Variants in TENM2 observed in about 807,000 individuals in gnomAD.
The protein encoded by TENM2 is teneurin-2.
In TENM2, 52 loss-of-function variants were observed where a neutral mutation model predicts 245.2. The ratio of observed to expected loss-of-function variants is 0.21; its 90% CI spans 0.17 to 0.27. TENM2 has a LOEUF of 0.27. Among genes scored for constraint, TENM2 ranks in the 10% least tolerant of loss-of-function variants. The pLI is 1.00. For missense variants in TENM2, 3,046 were observed against 3,666.8 expected (o/e 0.83, Z 4.37); for synonymous variants, 1,363 against 1,438.9 (o/e 0.95, Z 1.19).
At chr5:167,306,409 C>T (rs747120420) in intron 1 of TENM2, 1 of 151,798 alleles carries the variant, frequency 6.6e-6, no homozygotes, top group Non-Finnish European at 1.5e-5. Flanking sequence ...CCTTAGGGGA[C>T]GATGATTTGT....
intron 2 of TENM2, among the ~76,000 whole-genome samples, chr5:167,454,051 A>G (rs1343452694): frequency 1.3e-5 from 2 of 152,124 alleles, no homozygotes; most frequent in African/African-American, 4.8e-5. Context: ...GAATCATTCC[A>G]ATTGAATTTT....
intron 2 of TENM2, among the ~76,000 whole-genome samples, chr5:167,704,644 A>T (rs1328994423): frequency 6.6e-6 from 1 of 152,188 alleles, no homozygotes; most frequent in Non-Finnish European, 1.5e-5. Flanking sequence ...ATCAAGGAAA[A>T]AGAAGGCTTT....
chr5:167,053,367 G>C, the TENM2 span, among the ~76,000 whole-genome samples: 1 of 152,110 alleles, frequency 6.6e-6, no homozygotes, highest in African/African-American at 2.4e-5. Context: ...AAGCACTTGC[G>C]TGATATTGGC....
intron 4 of TENM2, among the ~76,000 whole-genome samples, chr5:167,974,018 AG>A (rs1200872443): frequency 1.1e-4 from 8 of 70,918 alleles, no homozygotes; most frequent in African/African-American, 6.7e-4. Flanking sequence ...GGAGGGAGGG[AG>A]GGAGGAAGGA....
rs559696889 is a variant in TENM2 at position 168,201,389 on chromosome 5, G to C, written c.3430+1258G>C. On this transcript the variant is annotated intron_variant, in intron 17 of 28. Coordinates refer to ENST00000518659, the Ensembl canonical transcript of TENM2. The stretch of plus-strand genomic sequence containing the variant: ...ATCTGTAGCTAATACCAAAATGACA[G>C]CCAATATTAAAAAGTAGACTAAATA... Among the ~76,000 whole-genome samples the C allele has an allele frequency of 4.0e-5, 6 of 151,488 alleles. No homozygotes were observed. In the East Asian group the frequency reaches 1.2e-3, roughly 29 times the overall value.
At chr5:167,562,957 CAAAAA>C (rs58779751) in intron 2 of TENM2, among the ~76,000 whole-genome samples, 7 of 77,590 alleles carry the variant, frequency 9.0e-5, no homozygotes, top group African/African-American at 3.0e-4. Flanking sequence ...AATTCTGTCT[CAAAAA>C]AAAAAAAAAA....
At chr5:167,091,301 T>C in the TENM2 span, among the ~76,000 whole-genome samples, 2 of 152,212 alleles carry the variant, frequency 1.3e-5, no homozygotes, top group African/African-American at 4.8e-5. Context: ...TACATATGTA[T>C]GGATAACTGT....
chr5:167,061,091 AAC>A, the TENM2 span, among the ~76,000 whole-genome samples: 15,772 of 149,626 alleles, frequency 0.11, 1,075 homozygotes, highest in South Asian at 0.28. Flanking sequence ...CTCTCTCCAA[AAC>A]ACACACACAC....
At chr5:167,290,423 T>C (rs1210074364) in intron 1 of TENM2, among the ~76,000 whole-genome samples, 1 of 152,212 alleles carries the variant, frequency 6.6e-6, no homozygotes, top group African/African-American at 2.4e-5. Context: ...TAAGTGCTAG[T>C]AGTTATCGTT....
chr5:167,591,083 T>C lies in TENM2; in HGVS notation c.502+215610T>C, dbSNP rs181184112. Among the ~76,000 whole-genome samples, 59 of 152,346 alleles carry C rather than the reference T, an allele frequency of 3.9e-4. No individual in the cohort carries two copies. In the South Asian group the frequency reaches 5.2e-3, roughly 13 times the overall value. On this transcript the variant is annotated intron_variant, in intron 2 of 28. Transcript: ENST00000518659. Reference sequence around the variant, plus strand: ...TTGCACTAAGCAAGCAAGAGAGTTCTCATTGCTCTAGCTTCCCCACGATAA... The same window carrying C: ...TTGCACTAAGCAAGCAAGAGAGTTCCCATTGCTCTAGCTTCCCCACGATAA...
chr5:168,258,744 T>G (rs1192996112), intron 27 of TENM2, among the ~76,000 whole-genome samples: 2 of 152,164 alleles, frequency 1.3e-5, no homozygotes, highest in Non-Finnish European at 2.9e-5. Context: ...TGACTACTAA[T>G]GGGTATGAGG....
chr5:168,204,415 G>A (rs1367460119), exon 19 of TENM2: 1 of 1,613,800 alleles, frequency 6.2e-7, no homozygotes, highest in Non-Finnish European at 8.5e-7. Context: ...TCCTGACCCA[G>A]CAGCCTGCCA....
intron 12 of TENM2, among the ~76,000 whole-genome samples, chr5:168,151,896 A>G (rs978688260): frequency 5.9e-5 from 9 of 152,234 alleles, no homozygotes; most frequent in Admixed American, 3.3e-4. Context: ...CCTGTTTTCA[A>G]TGATGACCAA....
At chr5:167,008,677 C>A in the TENM2 span, among the ~76,000 whole-genome samples, 59 of 152,126 alleles carry the variant, frequency 3.9e-4, 1 homozygote, top group Non-Finnish European at 4.9e-4. Context: ...TTCCATTTGT[C>A]ATTTGTTTGG....
At chr5:167,259,278 A>G in the TENM2 span, among the ~76,000 whole-genome samples, 1 of 152,214 alleles carries the variant, frequency 6.6e-6, no homozygotes, top group Admixed American at 6.5e-5. Context: ...ATCTGGAGAC[A>G]CATATAGTTG....
intron 13 of TENM2, among the ~76,000 whole-genome samples, chr5:168,177,963 C>T (rs1052453686): frequency 5.3e-5 from 8 of 152,236 alleles, no homozygotes; most frequent in African/African-American, 1.9e-4. Flanking sequence ...CTTCCAACTC[C>T]TCTAATTCCA....
chr5:168,248,671 G>A (rs749953883), intron 27 of TENM2, among the ~76,000 whole-genome samples: 1 of 152,210 alleles, frequency 6.6e-6, no homozygotes, highest in Non-Finnish European at 1.5e-5. Flanking sequence ...AGAGAATAGG[G>A]CTCTGGTGTC....
At chr5:167,874,742 G>A (rs1291749504) in intron 2 of TENM2, among the ~76,000 whole-genome samples, 1 of 152,212 alleles carries the variant, frequency 6.6e-6, no homozygotes, top group Admixed American at 6.5e-5. Flanking sequence ...TGGCTGCCAG[G>A]AGCTCCCTGC....
chr5:167,672,286 CAT>C (rs1238586714), intron 2 of TENM2, among the ~76,000 whole-genome samples: 4 of 151,752 alleles, frequency 2.6e-5, no homozygotes, highest in African/African-American at 4.8e-5. Flanking sequence ...TATACACACA[CAT>C]ATATATACAC....
Sources: allele counts gnomAD v4.1 joint callset (sites outside exome capture counted in the v4.1 genomes callset), GRCh38; gene constraint gnomAD v4.1.1; transcripts MANE v1.5; gene names NCBI Gene and HGNC (gene_info 2026-07-23, HGNC 2026-07-21).